Variants in WDR33 observed in about 807,000 individuals in gnomAD.
WDR33 encodes pre-mRNA 3' end processing protein WDR33.
WDR33 carries 47 observed loss-of-function variants against 164.9 expected under a neutral mutation model. The ratio of observed to expected loss-of-function variants is 0.29; its 90% CI spans 0.23 to 0.36. WDR33 has a LOEUF of 0.36. WDR33 is among the 10% of genes least tolerant of loss of function. The pLI is 1.00. For synonymous variants in WDR33, 505 were observed against 589.0 expected, an observed-to-expected ratio of 0.86 and a Z score of 2.06; for missense variants, 1,137 against 1,754.1, an observed-to-expected ratio of 0.65 and a Z score of 6.28.
chr2:127,797,256 G>A (rs969580559), intron 1 of WDR33, among the ~76,000 whole-genome samples: 1 of 152,182 alleles, frequency 6.6e-6, no homozygotes, highest in Non-Finnish European at 1.5e-5. Flanking sequence ...AACTTTGGGA[G>A]GCTGAGGTAG....
chr2:127,711,770 A>ATTTTTTTTTTTTTTTTTTTT (rs1220888579), intron 18 of WDR33, among the ~76,000 whole-genome samples: 1 of 77,878 alleles, frequency 1.3e-5, no homozygotes, highest in Non-Finnish European at 2.3e-5. Context: ...ATATATATAT[A>ATTTTTTTTTTTTTTTTTTTT]TATATATATA....
At chr2:127,731,755 C>T (rs1378038247) in intron 7 of WDR33, among the ~76,000 whole-genome samples, 1 of 152,048 alleles carries the variant, frequency 6.6e-6, no homozygotes, top group African/African-American at 2.4e-5. Flanking sequence ...TTTTATAGGA[C>T]TGTAGACCTA....
chr2:127,769,017 A>ATAAATAAATAAATAAATAGAT lies in WDR33; in HGVS notation c.205-17_205-16insATCTATTTATTTATTTATTTA, dbSNP rs1687909686. On this transcript the variant is annotated splice_polypyrimidine_tract_variant and intron_variant, in intron 2 of 21. Transcript: ENST00000322313. ...ATATTCTGTTCTGTTAAATAAATAA[A>ATAAATAAATAAATAAATAGAT]TAAATAAATAAATAAATAAATAGAT... The ATAAATAAATAAATAAATAGAT allele has an allele frequency of 8.1e-7, 1 of 1,232,796 alleles. No individual in the cohort carries two copies. Among genetic ancestry groups the ATAAATAAATAAATAAATAGAT allele is most frequent in the African/African-American group, 1.6e-5 (1 of 63,810 alleles). 76.4% of individuals were successfully genotyped at this position (1,232,796 alleles called of 1,614,324 possible).
Position 127,702,120 on chromosome 2 carries a change from C to T in WDR33, c.*4203G>A. ...CTGGGGCGGCGGCACCGCGCTGCGC[C>T]TCGCACTGGGTCGCCTGGGCCGCGG... On this transcript the variant is annotated 3_prime_UTR_variant, in exon 22 of 22. Coordinates refer to ENST00000322313, the MANE Select transcript of WDR33 (RefSeq NM_018383.5). The T allele has an allele frequency of 8.2e-7, 1 of 1,219,780 alleles. No homozygotes were observed. The highest frequency in any genetic ancestry group is 1.6e-5 in the African/African-American group (1 of 63,564). 75.6% of individuals were successfully genotyped at this position (1,219,780 alleles called of 1,614,324 possible).
At chr2:127,757,229 T>C (rs1342191781) in intron 7 of WDR33, among the ~76,000 whole-genome samples, 1 of 152,180 alleles carries the variant, frequency 6.6e-6, no homozygotes, top group Non-Finnish European at 1.5e-5. Flanking sequence ...GTTTTGGTCA[T>C]ATTATGTACA....
At chr2:127,808,031 C>T (rs1689499430) in intron 1 of WDR33, among the ~76,000 whole-genome samples, 2 of 152,058 alleles carry the variant, frequency 1.3e-5, no homozygotes, top group Admixed American at 1.3e-4. Context: ...AGTCAAAATA[C>T]ATTAAAGATA....
chr2:127,705,092 G>A lies in WDR33; in HGVS notation c.*1231C>T, dbSNP rs1685982481. ...CTGTCAAAAAAGGAAAAGAAAAAAA[G>A]AAACTTCCAGCACCACTAAATTTGC... On this transcript the variant is annotated 3_prime_UTR_variant, in exon 22 of 22. Coordinates refer to ENST00000322313, the MANE Select transcript of WDR33 (RefSeq NM_018383.5). This position sits in a 1 kb window ranked among gnomAD's most constrained non-coding sequence, Gnocchi z 4.5. 1 of 167,066 alleles carries A rather than the reference G, an allele frequency of 6.0e-6. No individual in the cohort carries two copies. Among genetic ancestry groups the A allele is most frequent in the Non-Finnish European group, 1.5e-5 (1 of 68,092 alleles). The allele number at this position is 167,066 out of a possible 1,614,324, so 10.3% of individuals were successfully genotyped here.
At chr2:127,725,741 T>TAATAA (rs1558925723) in intron 8 of WDR33, among the ~76,000 whole-genome samples, 1 of 48,626 alleles carries the variant, frequency 2.1e-5, no homozygotes, top group South Asian at 1.3e-3. Flanking sequence ...CTCAAAATAA[T>TAATAA]AATAATAATA....
Position 127,726,379 on chromosome 2 carries a change from T to C in WDR33, c.851+272A>G, listed in dbSNP as rs1686573403. Among the ~76,000 whole-genome samples, 1 of 152,262 alleles carries C rather than the reference T, an allele frequency of 6.6e-6. No homozygotes were observed. Among genetic ancestry groups the C allele is most frequent in the Middle Eastern group, 3.4e-3 (1 of 294 alleles). Reference sequence around the variant, plus strand: ...TCTGATGACAGGCAATAGGCTAGAATAGTAACCACCTCCCTCCTCATCCTC... The same window carrying C: ...TCTGATGACAGGCAATAGGCTAGAACAGTAACCACCTCCCTCCTCATCCTC... On this transcript the variant is annotated intron_variant, in intron 8 of 21. Transcript: ENST00000322313. The surrounding 1 kb of genome is among the most constrained non-coding windows in gnomAD (Gnocchi z 4.8).
chr2:127,702,139 G>A lies in WDR33; in HGVS notation c.*4184C>T. 8.2e-7 allele frequency: 1 copy of A among 1,215,704 alleles called. No individual in the cohort carries two copies. Among genetic ancestry groups the A allele is most frequent in the Non-Finnish European group, 1.0e-6 (1 of 978,338 alleles). 75.3% of individuals were successfully genotyped at this position (1,215,704 alleles called of 1,614,324 possible). A position where few individuals can be genotyped will look rare whatever the true frequency, so the allele number is the denominator to read the frequency against. ...CTGCGCCTCGCACTGGGTCGCCTGG[G>A]CCGCGGCGCCGGCCTCGCCAAGGTG... On this transcript the variant is annotated 3_prime_UTR_variant, in exon 22 of 22. Transcript: ENST00000322313.
At chr2:127,810,013 T>G (rs1689589990) in intron 1 of WDR33, among the ~76,000 whole-genome samples, 1 of 152,060 alleles carries the variant, frequency 6.6e-6, no homozygotes, top group Admixed American at 6.6e-5. Flanking sequence ...TTGAATTAAG[T>G]AGGTTTACCA....
chr2:127,782,022 A>T (rs1688389113), intron 1 of WDR33, among the ~76,000 whole-genome samples: 1 of 150,508 alleles, frequency 6.6e-6, no homozygotes, highest in Admixed American at 6.7e-5. Context: ...AAAAAAAAAA[A>T]TCCATGCTGA....
At chr2:127,774,998 T>C (rs1021937361) in intron 1 of WDR33, among the ~76,000 whole-genome samples, 1 of 152,172 alleles carries the variant, frequency 6.6e-6, no homozygotes, top group Non-Finnish European at 1.5e-5. Context: ...GAATGGAGAA[T>C]GACTGCTTAA....
rs777664261 is a variant in WDR33, at chr2:127,719,805, CATACCTTGAGTACCCGGAGGCCCCTGT to C, written c.2193_2219del (p.Thr737_Gly745del). On this transcript the variant is annotated inframe_deletion, in exon 16 of 22. Coordinates refer to ENST00000322313, the MANE Select transcript of WDR33 (RefSeq NM_018383.5). The surrounding 1 kb of genome is among the most constrained non-coding windows in gnomAD (Gnocchi z 6.5). ...TTCCTCTGGGACCAGGTGGTCCCTG[CATACCTTGAGTACCCGGAGGCCCCTGT>C]GGGCCCAAGTGACCCTGAGGGCCAG... The C allele has an allele frequency of 1.2e-6, 2 of 1,613,708 alleles. No individual in the cohort carries two copies. The highest frequency in any genetic ancestry group is 1.7e-6 in the Non-Finnish European group (2 of 1,179,980).
chr2:127,763,789 A>C lies in WDR33; in HGVS notation c.627-630T>G. Reference sequence around the variant, plus strand: ...TAAAGCCAAAGAATCTGCTGCAAGAAGGAGTCAGTTTTTCCCAGCAGTGAA... The same window carrying C: ...TAAAGCCAAAGAATCTGCTGCAAGACGGAGTCAGTTTTTCCCAGCAGTGAA... On this transcript the variant is annotated intron_variant, in intron 6 of 21. Coordinates refer to ENST00000322313, the MANE Select transcript of WDR33 (RefSeq NM_018383.5). This position sits in a 1 kb window ranked among gnomAD's most constrained non-coding sequence, Gnocchi z 4.5. 1 of 985,598 alleles carries C rather than the reference A, an allele frequency of 1.0e-6. No homozygotes were observed. Among genetic ancestry groups the C allele is most frequent in the Non-Finnish European group, 1.2e-6 (1 of 830,050 alleles). The allele number at this position is 985,598 out of a possible 1,614,324, so 61.1% of individuals were successfully genotyped here. A position where few individuals can be genotyped will look rare whatever the true frequency, so the allele number is the denominator to read the frequency against.
intron 7 of WDR33, among the ~76,000 whole-genome samples, chr2:127,742,425 A>G (rs1687043480): frequency 6.6e-6 from 1 of 151,384 alleles, no homozygotes; most frequent in East Asian, 1.9e-4. Context: ...TACCAAGGAA[A>G]CAGAGGTGGG....
intron 7 of WDR33, among the ~76,000 whole-genome samples, chr2:127,734,546 G>A (rs149820578): frequency 1.4e-3 from 214 of 152,240 alleles, no homozygotes; most frequent in African/African-American, 4.9e-3. Context: ...TATTCTACTC[G>A]TTCTTTCACA....
At position 127,702,268 on chromosome 2, in the gene WDR33, G is replaced by A; in HGVS notation, c.*4055C>T. 1 of 1,129,740 alleles carries A rather than the reference G, an allele frequency of 8.9e-7. No homozygotes were observed. The highest frequency in any genetic ancestry group is 1.1e-6 in the Non-Finnish European group (1 of 907,666). 70.0% of individuals were successfully genotyped at this position (1,129,740 alleles called of 1,614,324 possible). ...GCTGAGGACTGCACGCCGCTGTGCG[G>A]AAGCCCGTGGCGAAGGCCCTGCCCT... On this transcript the variant is annotated 3_prime_UTR_variant, in exon 22 of 22. Transcript: ENST00000322313.
At chr2:127,711,775 T>TAC (rs1686179249) in intron 18 of WDR33, among the ~76,000 whole-genome samples, 1 of 99,928 alleles carries the variant, frequency 1.0e-5, no homozygotes, top group East Asian at 2.4e-4. Flanking sequence ...TATATATATA[T>TAC]ATATATTTTT....
Sources: gnomAD v4.1 joint callset for allele counts (sites outside exome capture counted in the v4.1 genomes callset) on GRCh38, gnomAD v4.1.1 for gene constraint, Gnocchi (gnomAD v3.1) non-coding constraint, MANE v1.5 for transcripts, NCBI Gene and HGNC (gene_info 2026-07-23, HGNC 2026-07-21) for gene names.